ROR1: variants seen among roughly 807,000 people sequenced by gnomAD.
ROR1 encodes ROR family WNT receptor 1.
Under a neutral mutation model 78.8 loss-of-function variants are expected in ROR1, and 19 were observed. The ratio of observed to expected loss-of-function variants is 0.24; its 90% CI spans 0.17 to 0.35. The LOEUF (loss-of-function observed/expected upper bound fraction) is 0.35, where lower values mean the gene tolerates loss of function less well. ROR1 is among the 10% of genes least tolerant of loss of function. The pLI is 1.00. For synonymous variants in ROR1, 386 were observed against 433.6 expected, an observed-to-expected ratio of 0.89 and a Z score of 1.36; for missense variants, 917 against 1,177.8, an observed-to-expected ratio of 0.78 and a Z score of 3.24.
chr1:63,837,071 G>A (rs1161323671), intron 1 of ROR1, among the ~76,000 whole-genome samples: 1 of 152,150 alleles, frequency 6.6e-6, no homozygotes, highest in Non-Finnish European at 1.5e-5. Flanking sequence ...ATAAAGAAAG[G>A]TAGTCAAGCG....
At chr1:63,831,278 A>G (rs1256561164) in intron 1 of ROR1, among the ~76,000 whole-genome samples, 1 of 151,944 alleles carries the variant, frequency 6.6e-6, no homozygotes, top group East Asian at 1.9e-4. Flanking sequence ...GGGGGCTCCA[A>G]CTCCATTTTC....
chr1:63,845,009 C>T (rs775798730), intron 1 of ROR1, among the ~76,000 whole-genome samples: 4 of 152,114 alleles, frequency 2.6e-5, no homozygotes, highest in Non-Finnish European at 5.9e-5. Context: ...AAATCACTCT[C>T]CTTGAATTCA....
chr1:63,843,003 G>A (rs557612326), intron 1 of ROR1, among the ~76,000 whole-genome samples: 50 of 152,252 alleles, frequency 3.3e-4, no homozygotes, highest in African/African-American at 1.0e-3. Flanking sequence ...GACCAGAACC[G>A]TCAGGGATGG....
At chr1:64,127,779 T>C (rs1358011390) in intron 4 of ROR1, among the ~76,000 whole-genome samples, 2 of 152,170 alleles carry the variant, frequency 1.3e-5, no homozygotes, top group Non-Finnish European at 2.9e-5. Context: ...AGAAAAAGAA[T>C]AAACCATCTT....
intron 1 of ROR1, among the ~76,000 whole-genome samples, chr1:63,827,389 C>T (rs908828270): frequency 6.6e-6 from 1 of 152,096 alleles, no homozygotes; most frequent in African/African-American, 2.4e-5. Context: ...ACCCCTGTCC[C>T]AACCTCACCC....
chr1:63,873,303 T>C (rs1645263467), intron 1 of ROR1, among the ~76,000 whole-genome samples: 2 of 152,210 alleles, frequency 1.3e-5, no homozygotes, highest in Non-Finnish European at 2.9e-5. Flanking sequence ...TCCAATAGTA[T>C]TGTAAACTAT....
intron 4 of ROR1, among the ~76,000 whole-genome samples, chr1:64,051,552 AG>A (rs1387089176): frequency 6.6e-6 from 1 of 152,110 alleles, no homozygotes; most frequent in African/African-American, 2.4e-5. Flanking sequence ...GCTTGGACTG[AG>A]AGTTGCATGG....
At chr1:63,895,076 G>T (rs998724229) in intron 1 of ROR1, among the ~76,000 whole-genome samples, 3 of 152,126 alleles carry the variant, frequency 2.0e-5, no homozygotes, top group Non-Finnish European at 4.4e-5. Context: ...GCATGCTTGT[G>T]TTTTATGTAA....
intron 2 of ROR1, among the ~76,000 whole-genome samples, chr1:64,027,792 A>T (rs989354491): frequency 6.6e-6 from 1 of 151,262 alleles, no homozygotes; most frequent in Non-Finnish European, 1.5e-5. Flanking sequence ...GGTTCAAGTG[A>T]TTCTCCTGCC....
At chr1:63,889,578 T>A (rs911017057) in intron 1 of ROR1, among the ~76,000 whole-genome samples, 5 of 151,494 alleles carry the variant, frequency 3.3e-5, no homozygotes, top group East Asian at 1.9e-4. Context: ...TTTCTGAGGG[T>A]GCCCCCGGAT....
At chr1:64,057,445 A>T (rs1097106) in intron 4 of ROR1, among the ~76,000 whole-genome samples, 3 of 152,038 alleles carry the variant, frequency 2.0e-5, no homozygotes, top group Non-Finnish European at 4.4e-5. Flanking sequence ...AAAATTGTGT[A>T]TGTATACATA....
intron 1 of ROR1, among the ~76,000 whole-genome samples, chr1:63,818,720 A>G (rs1644907296): frequency 6.6e-6 from 1 of 152,202 alleles, no homozygotes; most frequent in Non-Finnish European, 1.5e-5. Flanking sequence ...AAATAATTAT[A>G]ATGAGGCTGA....
chr1:63,886,581 C>G (rs1645358781), intron 1 of ROR1, among the ~76,000 whole-genome samples: 1 of 152,150 alleles, frequency 6.6e-6, no homozygotes, highest in African/African-American at 2.4e-5. Context: ...CACCCAATCT[C>G]CACACTCAGT....
intron 1 of ROR1, among the ~76,000 whole-genome samples, chr1:63,950,292 C>T (rs554666804): frequency 3.9e-5 from 6 of 152,272 alleles, no homozygotes; most frequent in East Asian, 3.9e-4. Context: ...CTGTTTTTAA[C>T]GGTTATTTCT....
rs1650458847 is a variant in ROR1, at chr1:64,178,587, C to T, written c.2546C>T (p.Pro849Leu). ...TGPPRVIQHC[P>L]PPKSRSPSSA... ...CCTCCCAGAGTGATTCAGCACTGCC[C>T]ACCTCCCAAGAGTCGGTCCCCAAGC... Residue 849 changes from proline (P) to leucine (L), a missense_variant, in exon 9 of 9, where the codon CCA (proline) becomes CTA (leucine). Around this residue, in one of 3 missense-constraint regions of ROR1, gnomAD observed 835 missense variants for 1,069.8 expected, o/e 0.78. Coordinates refer to ENST00000371079, the MANE Select transcript of ROR1 (RefSeq NM_005012.4). The surrounding 1 kb of genome is among the most constrained non-coding windows in gnomAD (Gnocchi z 4.3). 6.2e-7 allele frequency: 1 copy of T among 1,614,158 alleles called. No individual in the cohort carries two copies. The highest frequency in any genetic ancestry group is 8.5e-7 in the Non-Finnish European group (1 of 1,180,042).
intron 1 of ROR1, among the ~76,000 whole-genome samples, chr1:63,816,282 T>C (rs1052572100): frequency 2.6e-5 from 4 of 152,144 alleles, no homozygotes; most frequent in Admixed American, 6.5e-5. Context: ...CCAAATCTCA[T>C]GTAGTAGCTC....
At chr1:64,158,931 A>G (rs1392697684) in intron 7 of ROR1, 50 bp from the exon 8 acceptor site, 5 of 1,344,978 alleles carry the variant, frequency 3.7e-6, no homozygotes, top group East Asian at 2.3e-5. Flanking sequence ...AATATTATGC[A>G]TGTTACTTTA....
At chr1:64,007,549 G>A (rs1646439044) in intron 1 of ROR1, among the ~76,000 whole-genome samples, 1 of 152,140 alleles carries the variant, frequency 6.6e-6, no homozygotes. Context: ...CAGCCCGTAA[G>A]TACTTCTAAC....
intron 1 of ROR1, among the ~76,000 whole-genome samples, chr1:63,820,820 A>G (rs1196980429): frequency 7.2e-5 from 11 of 152,148 alleles, no homozygotes; most frequent in Admixed American, 1.3e-4. Flanking sequence ...TTTTATTGCT[A>G]TTGTGCAGAT....
Sources: gnomAD v4.1 joint callset for allele counts (sites outside exome capture counted in the v4.1 genomes callset) on GRCh38, gnomAD v4.1.1 for gene constraint, gnomAD v4.1.1 regional missense constraint, Gnocchi (gnomAD v3.1) non-coding constraint, MANE v1.5 for transcripts, NCBI Gene and HGNC (gene_info 2026-07-23, HGNC 2026-07-21) for gene names.